PCDHGB1: variants seen among roughly 807,000 people sequenced by gnomAD.
The protein encoded by PCDHGB1 is protocadherin gamma-B1.
Under a neutral mutation model 56.6 loss-of-function variants are expected in PCDHGB1, and 34 were observed. The ratio of observed to expected loss-of-function variants is 0.60; its 90% confidence interval spans 0.46 to 0.80. The LOEUF is 0.80. Ranked by LOEUF, PCDHGB1 falls within the 30% of genes least tolerant of loss-of-function variation. The pLI is 0.00. For synonymous variants in PCDHGB1, 561 were observed against 505.9 expected (o/e 1.11, Z -1.46); for missense variants, 1,278 against 1,204.6 (o/e 1.06, Z -0.90).
At chr5:141,414,773 A>G in intron 1 of PCDHGB1, 1 of 1,614,204 alleles carries the variant, frequency 6.2e-7, no homozygotes, top group Non-Finnish European at 8.5e-7. Flanking sequence ...CATGAGCTAC[A>G]GATGCAGGTG....
intron 1 of PCDHGB1, among the ~76,000 whole-genome samples, chr5:141,439,422 A>C (rs1476209707): frequency 6.6e-6 from 1 of 152,188 alleles, no homozygotes; most frequent in Non-Finnish European, 1.5e-5. Context: ...TGAGGTTATA[A>C]ATTCCCAGGA....
chr5:141,394,506 C>G, intron 1 of PCDHGB1: 2 of 1,614,214 alleles, frequency 1.2e-6, no homozygotes, highest in Non-Finnish European at 1.7e-6. Context: ...GATCCTGTAC[C>G]CCGCCCTCCC....
intron 1 of PCDHGB1, among the ~76,000 whole-genome samples, chr5:141,481,749 C>G (rs958851030): frequency 7.9e-5 from 12 of 151,976 alleles, no homozygotes; most frequent in African/African-American, 2.9e-4. Context: ...GTCAGGAGTC[C>G]AAGACCAGCC....
intron 1 of PCDHGB1, among the ~76,000 whole-genome samples, chr5:141,357,952 G>C (rs1760771820): frequency 6.6e-6 from 1 of 152,188 alleles, no homozygotes; most frequent in Non-Finnish European, 1.5e-5. Flanking sequence ...CACTTTGGGA[G>C]TGTGAGGAGG....
chr5:141,370,266 G>A, intron 1 of PCDHGB1: 2 of 765,958 alleles, frequency 2.6e-6, no homozygotes, highest in Non-Finnish European at 4.1e-6. Flanking sequence ...GCTTCCTGCA[G>A]CGGAGACACC....
At chr5:141,361,039 A>G (rs1561522364) in intron 1 of PCDHGB1, 6 of 1,613,496 alleles carry the variant, frequency 3.7e-6, no homozygotes, top group Non-Finnish European at 4.2e-6. Flanking sequence ...AGGAGAAATC[A>G]CGACAAAGGA....
chr5:141,390,210 G>T, intron 1 of PCDHGB1: 1 of 1,614,046 alleles, frequency 6.2e-7, no homozygotes, highest in Non-Finnish European at 8.5e-7. Context: ...TTCAGGACAA[G>T]ACATACTTTG....
chr5:141,384,957 C>T (rs1561605479), intron 1 of PCDHGB1: 2 of 1,613,966 alleles, frequency 1.2e-6, no homozygotes, highest in African/African-American at 2.7e-5. Flanking sequence ...GTCCTTACAA[C>T]TATGACCTCA....
intron 1 of PCDHGB1, chr5:141,370,952 G>A (rs771842532): frequency 6.2e-7 from 1 of 1,613,990 alleles, no homozygotes; most frequent in East Asian, 2.2e-5. Context: ...AGGAGAACCT[G>A]GATGGCAGTA....
At position 141,487,565 on chromosome 5, in the gene PCDHGB1, G is replaced by A. The variant is rs1473034794; in HGVS notation, c.2410-7242G>A. ...GTCACCCAGTGCACCTATGGCAGGGGAGCCTGTTCGCCCAAGCTGCCCACC... is the reference window on the plus strand; with the variant it reads ...GTCACCCAGTGCACCTATGGCAGGGAAGCCTGTTCGCCCAAGCTGCCCACC... On this transcript the variant is annotated intron_variant, in intron 1 of 3. Transcript: ENST00000523390. This position sits in a 1 kb window ranked among gnomAD's most constrained non-coding sequence, Gnocchi z 5.0. The A allele has an allele frequency of 6.2e-7, 1 of 1,614,164 alleles. No individual in the cohort carries two copies. Among genetic ancestry groups the A allele is most frequent in the East Asian group, 2.2e-5 (1 of 44,856 alleles).
intron 1 of PCDHGB1, chr5:141,384,281 T>C (rs766739394): frequency 9.9e-6 from 16 of 1,613,774 alleles, no homozygotes; most frequent in Admixed American, 6.7e-5. Flanking sequence ...TCAGTCTACA[T>C]CGCTGAGAAC....
chr5:141,375,552 C>T, intron 1 of PCDHGB1: 1 of 1,614,058 alleles, frequency 6.2e-7, no homozygotes. Flanking sequence ...GTCTCCTACT[C>T]ACTGGCAGAA....
At chr5:141,461,974 C>T (rs2099027742) in intron 1 of PCDHGB1, among the ~76,000 whole-genome samples, 1 of 152,202 alleles carries the variant, frequency 6.6e-6, no homozygotes, top group Non-Finnish European at 1.5e-5. Context: ...CAGGCATATG[C>T]CACCACGCCA....
chr5:141,366,885 T>TA (rs1382759169), intron 1 of PCDHGB1: 4 of 1,309,886 alleles, frequency 3.1e-6, no homozygotes, highest in Admixed American at 2.5e-5. Flanking sequence ...TTAATTTTTT[T>TA]TATATAATTC....
intron 1 of PCDHGB1, chr5:141,402,883 G>A (rs1418475947): frequency 6.7e-7 from 1 of 1,483,116 alleles, no homozygotes; most frequent in South Asian, 1.4e-5. Flanking sequence ...ACTTTGCAGG[G>A]TGGAAGAAAG....
In PCDHGB1 at chr5:141,487,000, G is replaced by T. The variant is rs1410493699; in HGVS notation, c.2410-7807G>T. 2 of 1,614,076 alleles carry T rather than the reference G, an allele frequency of 1.2e-6. No homozygotes were observed. Among genetic ancestry groups the T allele is most frequent in the Non-Finnish European group, 1.7e-6 (2 of 1,180,044 alleles). On this transcript the variant is annotated intron_variant, in intron 1 of 3. Coordinates refer to ENST00000523390, the MANE Select transcript of PCDHGB1 (RefSeq NM_018922.3). The surrounding 1 kb of genome is among the most constrained non-coding windows in gnomAD (Gnocchi z 5.0). Reference sequence around the variant, plus strand: ...GTTACAATGCTTGGGTTTCCTATCAGCTCCTGGAGGCCCCAGATCCCAGCC... The same window carrying T: ...GTTACAATGCTTGGGTTTCCTATCATCTCCTGGAGGCCCCAGATCCCAGCC...
rs773703641 is a variant in PCDHGB1, at chr5:141,477,856, G to A, written c.2410-16951G>A. On this transcript the variant is annotated intron_variant, in intron 1 of 3. Transcript: ENST00000523390. The surrounding 1 kb of genome is among the most constrained non-coding windows in gnomAD (Gnocchi z 4.9). ...CAGGTGGGAGCTCGGTGGAGATGCT[G>A]CCTCGAGGTACCTCAGCTGGCCACC... is the stretch of plus-strand genomic sequence containing the variant. 6.2e-7 allele frequency: 1 copy of A among 1,613,592 alleles called. No homozygotes were observed. Among genetic ancestry groups the A allele is most frequent in the Admixed American group, 1.7e-5 (1 of 59,976 alleles).
In PCDHGB1 at chr5:141,511,007, G is replaced by C. The variant is rs780918754; in HGVS notation, c.2618G>C (p.Arg873Pro). Residue 873 changes from arginine to proline, a missense_variant, in exon 4 of 4, where the codon CGC (arginine) becomes CCC (proline). Physicochemically the swap from Arg to Pro is moderately radical, Grantham distance 103. Coordinates refer to ENST00000523390, the MANE Select transcript of PCDHGB1 (RefSeq NM_018922.3). Reference protein sequence around the residue: ...GGAGTMGLSARYGPQFTLQHV... With the variant: ...GGAGTMGLSAPYGPQFTLQHV... ...GCCGGCACCATGGGATTGAGCGCCC[G>C]CTACGGACCCCAGTTCACCCTGCAG... The C allele has an allele frequency of 1.9e-6, 3 of 1,614,042 alleles. No homozygotes were observed. The highest frequency in any genetic ancestry group is 2.7e-5 in the African/African-American group (2 of 74,910).
At chr5:141,452,554 G>A (rs2098744143) in intron 1 of PCDHGB1, among the ~76,000 whole-genome samples, 1 of 152,140 alleles carries the variant, frequency 6.6e-6, no homozygotes, top group Admixed American at 6.5e-5. Context: ...TCCAGTTCTG[G>A]TTCTTCCTAG....
Sources: allele counts gnomAD v4.1 joint callset (sites outside exome capture counted in the v4.1 genomes callset), GRCh38; gene constraint gnomAD v4.1.1; non-coding constraint Gnocchi (gnomAD v3.1); transcripts MANE v1.5; gene names NCBI Gene and HGNC (gene_info 2026-07-23, HGNC 2026-07-21).